Variants in ANKRD13A observed in about 807,000 individuals in gnomAD.
ANKRD13A encodes ankyrin repeat domain-containing protein 13A.
Under a neutral mutation model 81.3 loss-of-function variants are expected in ANKRD13A, and 48 were observed. That is an observed-to-expected ratio of 0.59 (90% CI 0.47 to 0.75). The LOEUF (loss-of-function observed/expected upper bound fraction) is 0.75, where lower values mean the gene tolerates loss of function less well. Among genes scored for constraint, ANKRD13A ranks in the 30% least tolerant of loss-of-function variants. The pLI is 0.00. For missense variants in ANKRD13A, 612 were observed against 734.0 expected (o/e 0.83, Z 1.92); for synonymous variants, 230 against 270.1 (o/e 0.85, Z 1.45).
chr12:110,009,244 G>A (rs1034625123), intron 1 of ANKRD13A, among the ~76,000 whole-genome samples: 11 of 152,052 alleles, frequency 7.2e-5, no homozygotes, highest in African/African-American at 2.7e-4. Flanking sequence ...ACCACGCGCG[G>A]CTAATTTTGT....
At chr12:110,026,454 G>A (rs781331324) in intron 8 of ANKRD13A, among the ~76,000 whole-genome samples, 1 of 151,868 alleles carries the variant, frequency 6.6e-6, no homozygotes, top group Non-Finnish European at 1.5e-5. Context: ...GCCCATGGCT[G>A]TAATCCCAGC....
At position 110,025,819 on chromosome 12, in the gene ANKRD13A, T is replaced by C. The variant is rs918478717; in HGVS notation, c.879T>C (p.Tyr293=). 3 of 1,613,390 alleles carry C rather than the reference T, an allele frequency of 1.9e-6. No homozygotes were observed. The highest frequency in any genetic ancestry group is 3.3e-4 in the Middle Eastern group (2 of 6,060). Residue 293 remains tyrosine (Y), a synonymous_variant, in exon 8 of 15, where the codon TAT becomes TAC. Coordinates refer to ENST00000261739, the MANE Select transcript of ANKRD13A (RefSeq NM_033121.2). ...TGACCGAGGAGGAAAAAAAGAGATA[T>C]AAAGGTAATCACCACCACCCTCCCA... is the stretch of plus-strand genomic sequence containing the variant. The part of the protein sequence containing the change: ...EHLTEEEKKR[Y]KADRNPLESL...
chr12:110,003,913 C>G (rs990659979), intron 1 of ANKRD13A, among the ~76,000 whole-genome samples: 1 of 152,088 alleles, frequency 6.6e-6, no homozygotes, highest in African/African-American at 2.4e-5. Flanking sequence ...ACTCCCAGCT[C>G]TTTGGGAGGC....
intron 6 of ANKRD13A, 186 bp from the exon 7 acceptor site, chr12:110,023,860 G>A: frequency 3.7e-6 from 2 of 543,088 alleles, no homozygotes; most frequent in East Asian, 5.9e-5. Flanking sequence ...AATAACTGTG[G>A]GAGGAGGGTG....
At chr12:110,037,177 ATT>A (rs892562506) in intron 14 of ANKRD13A, among the ~76,000 whole-genome samples, 180 bp from the exon 15 acceptor site, 6 of 152,128 alleles carry the variant, frequency 3.9e-5, no homozygotes, top group African/African-American at 1.4e-4. Context: ...CTTGGGCAAG[ATT>A]GTGGGGTTTC....
Position 110,036,334 on chromosome 12 carries a change from T to G in ANKRD13A, c.1577+6T>G. On this transcript the variant is annotated splice_donor_region_variant and intron_variant, in intron 14 of 14. Coordinates refer to ENST00000261739, the MANE Select transcript of ANKRD13A (RefSeq NM_033121.2). The surrounding 1 kb of genome is among the most constrained non-coding windows in gnomAD (Gnocchi z 4.6). Reference sequence around the variant, plus strand: ...TATGACGCCCAGTATGAGAGGTGATTGACTGACGTGACTCTGGAATAAACC... The same window carrying G: ...TATGACGCCCAGTATGAGAGGTGATGGACTGACGTGACTCTGGAATAAACC... 2 of 1,613,680 alleles carry G rather than the reference T, an allele frequency of 1.2e-6. No individual in the cohort carries two copies. The highest frequency in any genetic ancestry group is 2.2e-5 in the South Asian group (2 of 91,068).
chr12:110,010,918 A>G (rs933345110), intron 1 of ANKRD13A, among the ~76,000 whole-genome samples: 1 of 152,042 alleles, frequency 6.6e-6, no homozygotes, highest in Non-Finnish European at 1.5e-5. Context: ...AATAAAGCAC[A>G]TTTTCTAAGA....
At chr12:110,030,780 A>C in intron 12 of ANKRD13A, 22 bp downstream of exon 12, 1 of 1,503,736 alleles carries the variant, frequency 6.7e-7, no homozygotes, top group Non-Finnish European at 9.0e-7. Flanking sequence ...AATAAATACA[A>C]AGTTTAGTTT....
rs1485964358 is a variant in ANKRD13A at position 110,029,444 on chromosome 12, A to T, written c.1077-34A>T. On this transcript the variant is annotated intron_variant, in intron 10 of 14. Transcript: ENST00000261739. Reference sequence around the variant, plus strand: ...AATCTCCTTTTCCCATCTGGTGGAGATGACCTCAGTCTTTTCTTGGTTGAA... The same window carrying T: ...AATCTCCTTTTCCCATCTGGTGGAGTTGACCTCAGTCTTTTCTTGGTTGAA... 9.4e-6 allele frequency: 15 copies of T among 1,597,846 alleles called. No homozygotes were observed. The Admixed American group carries it at 2.5e-4, about 27-fold the overall frequency.
chr12:110,023,616 G>T (rs767156220), intron 6 of ANKRD13A: 2 of 163,646 alleles, frequency 1.2e-5, no homozygotes, highest in Non-Finnish European at 2.7e-5. Context: ...CGAGTGAGAT[G>T]TGGCTACTTG....
chr12:110,032,380 T>A (rs1891743962), intron 12 of ANKRD13A: 1 of 152,222 alleles, frequency 6.6e-6, no homozygotes, highest in Non-Finnish European at 1.5e-5. Context: ...TTAATGTATA[T>A]AAATTAAGAC....
chr12:110,029,666 G>C (rs1233331249), intron 11 of ANKRD13A, 31 bp downstream of exon 11: 1 of 1,604,170 alleles, frequency 6.2e-7, no homozygotes, highest in South Asian at 1.1e-5. Context: ...GCAACACTTG[G>C]AGGTTCTGCC....
Position 110,018,594 on chromosome 12 carries a change from CT to C in ANKRD13A, c.544+107del. The C allele has an allele frequency of 7.5e-7, 1 of 1,336,066 alleles. No individual in the cohort carries two copies. The highest frequency in any genetic ancestry group is 1.0e-6 in the Non-Finnish European group (1 of 977,380). 82.8% of individuals were successfully genotyped at this position (1,336,066 alleles called of 1,614,324 possible). A position where few individuals can be genotyped will look rare whatever the true frequency, so the allele number is the denominator to read the frequency against. On this transcript the variant is annotated intron_variant, in intron 5 of 14. Coordinates refer to ENST00000261739, the MANE Select transcript of ANKRD13A (RefSeq NM_033121.2). This position sits in a 1 kb window ranked among gnomAD's most constrained non-coding sequence, Gnocchi z 4.4. Reference sequence around the variant, plus strand: ...ATGTGACTTTTCTGTCTGATCCTTCCTAGGGCATGTTTTTTTGGTTATTCTT... The same window carrying C: ...ATGTGACTTTTCTGTCTGATCCTTCCAGGGCATGTTTTTTTGGTTATTCTT...
intron 1 of ANKRD13A, among the ~76,000 whole-genome samples, chr12:110,001,448 T>C (rs531403105): frequency 2.6e-5 from 4 of 151,796 alleles, no homozygotes; most frequent in Non-Finnish European, 1.5e-5. Context: ...TTTTTTTTTT[T>C]TTTCTTTTTG....
intron 6 of ANKRD13A, 42 bp from the exon 7 acceptor site, chr12:110,024,004 A>G (rs199636259): frequency 5.1e-6 from 8 of 1,573,896 alleles, no homozygotes; most frequent in Non-Finnish European, 7.0e-6. Flanking sequence ...TCTGAATGGC[A>G]TATTGTACAT....
chr12:110,015,450 C>G (rs1890740642), intron 3 of ANKRD13A, among the ~76,000 whole-genome samples: 2 of 152,238 alleles, frequency 1.3e-5, no homozygotes, highest in African/African-American at 4.8e-5. Flanking sequence ...CCCATCTTCC[C>G]AGGTTCATCT....
At chr12:110,028,330 A>G (rs1891462426) in intron 9 of ANKRD13A, 182 bp from the exon 10 acceptor site, 2 of 540,932 alleles carry the variant, frequency 3.7e-6, no homozygotes, top group Non-Finnish European at 6.4e-6. Context: ...GAAATCCATT[A>G]CACTTCCTGT....
At chr12:110,026,577 CA>C (rs758540766) in intron 8 of ANKRD13A, among the ~76,000 whole-genome samples, 12,283 of 109,756 alleles carry the variant, frequency 0.11, 528 homozygotes, top group Middle Eastern at 0.22. Flanking sequence ...AACTCCATCT[CA>C]AAAAAAAAAA....
At chr12:110,005,128 A>G (rs1287175371) in intron 1 of ANKRD13A, among the ~76,000 whole-genome samples, 1 of 151,884 alleles carries the variant, frequency 6.6e-6, no homozygotes, top group Non-Finnish European at 1.5e-5. Flanking sequence ...AATTTCAGAA[A>G]TTTTTTTCTT....
Sources: allele counts gnomAD v4.1 joint callset (sites outside exome capture counted in the v4.1 genomes callset), GRCh38; gene constraint gnomAD v4.1.1; non-coding constraint Gnocchi (gnomAD v3.1); transcripts MANE v1.5; gene names NCBI Gene and HGNC (gene_info 2026-07-23, HGNC 2026-07-21).